Variants in SLC38A8 observed in about 807,000 individuals in gnomAD.
SLC38A8 encodes solute carrier family 38 member 8.
Under a neutral mutation model 46.0 loss-of-function variants are expected in SLC38A8, and 65 were observed. The ratio of observed to expected loss-of-function variants is 1.41; its 90% CI spans 1.16 to 1.74. SLC38A8 has a LOEUF of 1.74. Ranked by LOEUF, SLC38A8 falls within the 40% of genes most tolerant of loss-of-function variation. SLC38A8 has a pLI of 0.00. For missense variants in SLC38A8, 998 were observed against 567.9 expected, an observed-to-expected ratio of 1.76 and a Z score of -7.70; for synonymous variants, 447 against 243.7, an observed-to-expected ratio of 1.83 and a Z score of -7.77.
intron 6 of SLC38A8, among the ~76,000 whole-genome samples, chr16:84,026,934 G>T (rs1022899438): frequency 1.3e-5 from 2 of 152,170 alleles, no homozygotes; most frequent in Non-Finnish European, 2.9e-5. Context: ...CAACAGAAAG[G>T]TTCTCAATTG....
intron 5 of SLC38A8, among the ~76,000 whole-genome samples, chr16:84,031,197 AC>A (rs1307868742): frequency 6.6e-6 from 1 of 151,944 alleles, no homozygotes; most frequent in Non-Finnish European, 1.5e-5. Context: ...CCACCATCAC[AC>A]CTGGCTGAAT....
intron 6 of SLC38A8, among the ~76,000 whole-genome samples, chr16:84,027,493 C>G (rs913093618): frequency 6.6e-6 from 1 of 152,218 alleles, no homozygotes; most frequent in Non-Finnish European, 1.5e-5. Context: ...CGGGGGTGCC[C>G]CATTGCCAAA....
intron 7 of SLC38A8, 77 bp downstream of exon 7, chr16:84,022,698 T>C (rs1003726736): frequency 1.5e-5 from 17 of 1,144,414 alleles, no homozygotes; most frequent in African/African-American, 6.1e-5. Flanking sequence ...GTAAACTCTC[T>C]AGAGAGATAC....
chr16:84,031,335 C>A (rs769417386), intron 5 of SLC38A8, among the ~76,000 whole-genome samples: 2 of 152,322 alleles, frequency 1.3e-5, no homozygotes, highest in Non-Finnish European at 2.9e-5. Flanking sequence ...GCCACCACAC[C>A]CTACCTAGAG....
chr16:84,029,351 G>C (rs1462080372), intron 6 of SLC38A8, 143 bp downstream of exon 6: 2 of 753,656 alleles, frequency 2.7e-6, no homozygotes, highest in African/African-American at 3.6e-5. Context: ...GGGAACCACA[G>C]GTGGGCGGCA....
intron 6 of SLC38A8, among the ~76,000 whole-genome samples, chr16:84,028,224 G>A (rs917622963): frequency 1.3e-5 from 2 of 152,064 alleles, no homozygotes; most frequent in African/African-American, 4.8e-5. Flanking sequence ...TGGTTTTGTT[G>A]GTGCTGGTGG....
intron 7 of SLC38A8, 63 bp downstream of exon 7, chr16:84,022,712 C>A: frequency 8.0e-7 from 1 of 1,252,858 alleles, no homozygotes. Context: ...GAGATACTCG[C>A]TGTTACTCTT....
At chr16:84,015,421 G>A (rs1040105254) in intron 9 of SLC38A8, among the ~76,000 whole-genome samples, 1 of 152,082 alleles carries the variant, frequency 6.6e-6, no homozygotes, top group African/African-American at 2.4e-5. Context: ...GGAGGGAAGG[G>A]AGACATTTGC....
chr16:84,034,846 T>A (rs79281540), intron 3 of SLC38A8, among the ~76,000 whole-genome samples: 8,750 of 151,912 alleles, frequency 0.058, 375 homozygotes, highest in Non-Finnish European at 0.088. Flanking sequence ...GGACCTCCCA[T>A]AGCCAGGATC....
At chr16:84,023,503 T>C (rs2085120633) in intron 6 of SLC38A8, among the ~76,000 whole-genome samples, 1 of 151,002 alleles carries the variant, frequency 6.6e-6, no homozygotes, top group African/African-American at 2.4e-5. Context: ...CGTAAGTAAA[T>C]GGCAGGATAC....
intron 9 of SLC38A8, among the ~76,000 whole-genome samples, chr16:84,013,453 A>T (rs1597248116): frequency 3.4e-5 from 2 of 58,100 alleles, no homozygotes; most frequent in East Asian, 4.2e-4. Context: ...TTTTTTTGAG[A>T]CGGAGTCTCA....
rs541954698 is a variant in SLC38A8 at position 84,024,579 on chromosome 16, G to A, written c.691-1690C>T. ...GTGGATCACCTGAGGTCTGGAGTTC[G>A]AGACCAGCCTGGCCAACATGGTGAA... On this transcript the variant is annotated intron_variant, in intron 6 of 10. Transcript: ENST00000299709. 2.0e-5 allele frequency among the ~76,000 whole-genome samples: 3 copies of A among 151,970 alleles called. No individual in the cohort carries two copies. In the South Asian group the frequency reaches 6.2e-4, roughly 32 times the overall value.
At position 84,016,640 on chromosome 16, in the gene SLC38A8, C is replaced by A. The variant is rs1242932913; in HGVS notation, c.1041G>T (p.Arg347=). Reference sequence around the variant, plus strand: ...TGACCCACAGGATGGTCAGCGGCATCCGGACCCACAGCCCTGAGGGGTCGG... The same window carrying A: ...TGACCCACAGGATGGTCAGCGGCATACGGACCCACAGCCCTGAGGGGTCGG... ...ALADPSGLWV[R]MPLTILWVTV... is the part of the protein sequence containing the mutation. The change falls in exon 9 of 11, where the codon CGG becomes CGT. Residue 347 remains arginine (R), a synonymous_variant. Transcript: ENST00000299709. 6.2e-7 allele frequency: 1 copy of A among 1,613,908 alleles called. No individual in the cohort carries two copies. The highest frequency in any genetic ancestry group is 1.7e-4 in the Middle Eastern group (1 of 6,058).
At chr16:84,030,835 G>T (rs192011216) in intron 5 of SLC38A8, among the ~76,000 whole-genome samples, 1 of 152,050 alleles carries the variant, frequency 6.6e-6, no homozygotes, top group Non-Finnish European at 1.5e-5. Context: ...GGGCCTGGGT[G>T]ACTGTAGGGG....
rs372831697 is a variant in SLC38A8 at position 84,041,959 on chromosome 16, G to A, written c.189+10C>T. On this transcript the variant is annotated intron_variant, in intron 2 of 10. Coordinates refer to ENST00000299709, the MANE Select transcript of SLC38A8 (RefSeq NM_001080442.3). The stretch of plus-strand genomic sequence containing the variant: ...TACCCGTCCCCAGGACTCACTTCCC[G>A]GGGACTTACCAGCTCCACCAGGAAG... The A allele has an allele frequency of 1.8e-5, 28 of 1,572,162 alleles. 1 individual carries two copies. Among genetic ancestry groups the A allele is most frequent in the Middle Eastern group, 1.8e-4 (1 of 5,454 alleles).
At chr16:84,024,735 A>G (rs915768495) in intron 6 of SLC38A8, among the ~76,000 whole-genome samples, 17 of 152,094 alleles carry the variant, frequency 1.1e-4, no homozygotes, top group African/African-American at 4.1e-4. Context: ...TGTCACCCAG[A>G]ATGGACTGAA....
intron 4 of SLC38A8, among the ~76,000 whole-genome samples, chr16:84,032,250 G>A (rs548881103): frequency 1.2e-4 from 19 of 152,256 alleles, no homozygotes; most frequent in African/African-American, 3.1e-4. Context: ...GTGCAGTGGC[G>A]CAATCTTGGC....
At chr16:84,035,651 A>C (rs2085292257) in intron 3 of SLC38A8, among the ~76,000 whole-genome samples, 1 of 152,274 alleles carries the variant, frequency 6.6e-6, no homozygotes, top group Admixed American at 6.5e-5. Context: ...AAGTCAAAGA[A>C]TGAGAAGAGA....
chr16:84,033,599 G>C (rs1294388235), intron 3 of SLC38A8, 130 bp from the exon 4 acceptor site: 6 of 1,040,400 alleles, frequency 5.8e-6, no homozygotes, highest in Middle Eastern at 3.2e-4. Context: ...CCAGGGATCA[G>C]ACGACAAGTG....
Sources: allele counts gnomAD v4.1 joint callset (sites outside exome capture counted in the v4.1 genomes callset), GRCh38; gene constraint gnomAD v4.1.1; transcripts MANE v1.5; gene names NCBI Gene and HGNC (gene_info 2026-07-23, HGNC 2026-07-21).